MYO1D: variants seen among roughly 807,000 people sequenced by gnomAD.
MYO1D encodes the protein unconventional myosin-Id.
In MYO1D, 83 loss-of-function variants were observed where a neutral mutation model predicts 122.0. The observed-to-expected ratio is 0.68, with a 90% CI of 0.57 to 0.82. MYO1D has a LOEUF of 0.82. MYO1D is among the 40% of genes least tolerant of loss of function. The pLI, the probability that MYO1D is intolerant of heterozygous loss-of-function variation, is 0.00. For missense variants in MYO1D, 1,157 were observed against 1,269.5 expected, an observed-to-expected ratio of 0.91 and a Z score of 1.35; for synonymous variants, 464 against 446.9, an observed-to-expected ratio of 1.04 and a Z score of -0.48.
intron 16 of MYO1D, among the ~76,000 whole-genome samples, chr17:32,668,367 G>A (rs1250402095): frequency 1.3e-5 from 2 of 152,318 alleles, no homozygotes; most frequent in South Asian, 2.1e-4. Flanking sequence ...GTCAGGCTTT[G>A]ACCTTGTGTG....
At position 32,532,058 on chromosome 17, in the gene MYO1D, A is replaced by G. The variant is rs147292684; in HGVS notation, c.2865-37143T>C. Among the ~76,000 whole-genome samples, 451 of 152,320 alleles carry G rather than the reference A, an allele frequency of 3.0e-3. 4 individuals are homozygous for G. The highest frequency in any genetic ancestry group is 0.01 in the African/African-American group (432 of 41,568). On this transcript the variant is annotated intron_variant, in intron 21 of 21. Transcript: ENST00000318217. ...GGCAGCTAATCCTTTGTGCTACAGG[A>G]TAAGGACATTCTCAAGGTCCTGCAC...
chr17:32,698,213 C>T (rs1207447761), intron 16 of MYO1D, among the ~76,000 whole-genome samples: 1 of 152,120 alleles, frequency 6.6e-6, no homozygotes, highest in East Asian at 1.9e-4. Flanking sequence ...TACTAGCTAC[C>T]ATATCAGTAG....
rs1012277047 is a variant in MYO1D at position 32,525,548 on chromosome 17, G to A, written c.2865-30633C>T. Among the ~76,000 whole-genome samples, 3 of 151,486 alleles carry A rather than the reference G, an allele frequency of 2.0e-5. 1 individual carries two copies. The highest frequency in any genetic ancestry group is 4.2e-4 in the South Asian group (2 of 4,808). On this transcript the variant is annotated intron_variant, in intron 21 of 21. Transcript: ENST00000318217. ...TTGTGCATCTGATAACCTGCTCCTC[G>A]CTGGGGACAGTTCCAGAACCCTGCT... is the stretch of plus-strand genomic sequence containing the variant.
intron 21 of MYO1D, among the ~76,000 whole-genome samples, chr17:32,580,033 G>A (rs1302257373): frequency 1.3e-5 from 2 of 152,088 alleles, no homozygotes; most frequent in African/African-American, 4.8e-5. Flanking sequence ...ATGTGGCAGG[G>A]ATATGTTTAG....
At chr17:32,566,047 G>T (rs1232759742) in intron 21 of MYO1D, among the ~76,000 whole-genome samples, 4 of 152,172 alleles carry the variant, frequency 2.6e-5, no homozygotes, top group Non-Finnish European at 5.9e-5. Flanking sequence ...TTCTAGCTAA[G>T]ATTGAATATA....
chr17:32,568,873 T>A (rs1165277998), intron 21 of MYO1D, among the ~76,000 whole-genome samples: 1 of 152,180 alleles, frequency 6.6e-6, no homozygotes, highest in African/African-American at 2.4e-5. Flanking sequence ...GAATTACAGG[T>A]CCAGCCTCTA....
At chr17:32,706,898 G>A (rs1275624872) in intron 16 of MYO1D, among the ~76,000 whole-genome samples, 4 of 152,044 alleles carry the variant, frequency 2.6e-5, no homozygotes, top group South Asian at 2.1e-4. Flanking sequence ...GGGTTTCACC[G>A]TGTTAGCCAG....
At chr17:32,764,705 A>G (rs1401399718) in intron 8 of MYO1D, among the ~76,000 whole-genome samples, 173 bp downstream of exon 8, 1 of 152,184 alleles carries the variant, frequency 6.6e-6, no homozygotes, top group South Asian at 2.1e-4. Flanking sequence ...TTTGGCAGTG[A>G]TGCTTACTTA....
intron 21 of MYO1D, among the ~76,000 whole-genome samples, chr17:32,568,186 C>CA (rs386385913): frequency 0.035 from 4,295 of 124,320 alleles, 247 homozygotes; most frequent in African/African-American, 0.1. Context: ...TGCGTTATTA[C>CA]AAAAAAAAAA....
At chr17:32,812,088 T>C (rs191615896) in intron 1 of MYO1D, among the ~76,000 whole-genome samples, 9 of 152,232 alleles carry the variant, frequency 5.9e-5, no homozygotes, top group Admixed American at 3.9e-4. Flanking sequence ...GCCAACACAT[T>C]CTGCTATAAA....
chr17:32,861,428 G>A (rs924719864), intron 1 of MYO1D, among the ~76,000 whole-genome samples: 5 of 152,040 alleles, frequency 3.3e-5, no homozygotes, highest in Admixed American at 6.6e-5. Flanking sequence ...CCCTATTCAC[G>A]AATGTGACAA....
At chr17:32,784,770 C>A (rs2090276029) in intron 1 of MYO1D, among the ~76,000 whole-genome samples, 1 of 152,030 alleles carries the variant, frequency 6.6e-6, no homozygotes, top group African/African-American at 2.4e-5. Context: ...GGGGCTCCTT[C>A]AGATCAGTCA....
intron 16 of MYO1D, among the ~76,000 whole-genome samples, chr17:32,666,812 T>C (rs1421909801): frequency 6.6e-6 from 1 of 152,254 alleles, no homozygotes; most frequent in African/African-American, 2.4e-5. Context: ...GTACTCTGAA[T>C]TAGACATTCT....
At chr17:32,563,868 G>A (rs1026201830) in intron 21 of MYO1D, among the ~76,000 whole-genome samples, 8 of 152,164 alleles carry the variant, frequency 5.3e-5, no homozygotes, top group Admixed American at 3.3e-4. Context: ...TTGACTTAGC[G>A]TATTTAGTTT....
chr17:32,618,109 A>G (rs1567912329), intron 20 of MYO1D, among the ~76,000 whole-genome samples: 5 of 152,180 alleles, frequency 3.3e-5, no homozygotes. Context: ...TCATACCAGT[A>G]TGTGTGAGCC....
chr17:32,813,942 G>A (rs1249314690), intron 1 of MYO1D, among the ~76,000 whole-genome samples: 1 of 152,186 alleles, frequency 6.6e-6, no homozygotes, highest in African/African-American at 2.4e-5. Context: ...TTCTGCCATG[G>A]GCATTAGGTG....
At chr17:32,553,017 G>C (rs72813074) in intron 21 of MYO1D, among the ~76,000 whole-genome samples, 27,191 of 148,444 alleles carry the variant, frequency 0.18, 3,140 homozygotes, top group Admixed American at 0.29. Flanking sequence ...CAGGAGGACT[G>C]CTTGAGTCCA....
At chr17:32,768,434 C>T (rs532172753) in intron 6 of MYO1D, among the ~76,000 whole-genome samples, 2 of 152,318 alleles carry the variant, frequency 1.3e-5, no homozygotes, top group South Asian at 2.1e-4. Context: ...AACAGAAATT[C>T]GCAATAAAGC....
chr17:32,712,503 C>T (rs1198951556), intron 15 of MYO1D, among the ~76,000 whole-genome samples: 1 of 152,066 alleles, frequency 6.6e-6, no homozygotes, highest in Non-Finnish European at 1.5e-5. Flanking sequence ...CAAACAGATA[C>T]AAGAGAAGGG....
Sources: allele counts gnomAD v4.1 joint callset (sites outside exome capture counted in the v4.1 genomes callset), GRCh38; gene constraint gnomAD v4.1.1; transcripts MANE v1.5; gene names NCBI Gene and HGNC (gene_info 2026-07-23, HGNC 2026-07-21).